Variants in IPO7 observed in about 807,000 individuals in gnomAD.
IPO7 encodes the protein importin 7.
IPO7 carries 13 observed loss-of-function variants against 136.4 expected under a neutral mutation model. The observed-to-expected ratio is 0.10, with a 90% confidence interval of 0.06 to 0.15. The LOEUF is 0.15. IPO7 is among the 10% of genes least tolerant of loss of function. IPO7 has a pLI of 1.00. For synonymous variants in IPO7, 403 were observed against 404.4 expected (o/e 1.00, Z 0.04); for missense variants, 857 against 1,240.6 (o/e 0.69, Z 4.65).
At position 9,423,820 on chromosome 11, in the gene IPO7, A is replaced by G. The variant is rs775164203; in HGVS notation, c.1085A>G (p.Asp362Gly). The G allele has an allele frequency of 5.0e-6, 8 of 1,610,584 alleles. No individual in the cohort carries two copies. Among genetic ancestry groups the G allele is most frequent in the Non-Finnish European group, 6.8e-6 (8 of 1,177,542 alleles). ...DVIFPLMCYTDADEELWQEDP... is the reference protein window; with the variant it reads ...DVIFPLMCYTGADEELWQEDP... ...ATTTTTCCATTGATGTGCTATACAGATGCTGATGAGGAACTTTGGCAAGAA... is the reference window on the plus strand; with the variant it reads ...ATTTTTCCATTGATGTGCTATACAGGTGCTGATGAGGAACTTTGGCAAGAA... The change falls in exon 10 of 25, where the codon GAT becomes GGT. Residue 362 changes from aspartate (D) to glycine (G), a missense_variant. Physicochemically the swap from Asp to Gly is moderately conservative, Grantham distance 94. Transcript: ENST00000379719.
intron 1 of IPO7, among the ~76,000 whole-genome samples, chr11:9,393,178 ATTC>A (rs1035292301): frequency 1.8e-4 from 28 of 152,172 alleles, no homozygotes; most frequent in African/African-American, 6.8e-4. Context: ...GAAAAGTGAT[ATTC>A]TTCTGCAGGC....
In IPO7 at chr11:9,437,896, T is replaced by G; in HGVS notation, c.2411T>G (p.Leu804Arg). 6.2e-7 allele frequency: 1 copy of G among 1,613,924 alleles called. No homozygotes were observed. Among genetic ancestry groups the G allele is most frequent in the Non-Finnish European group, 8.5e-7 (1 of 1,179,838 alleles). Residue 804 changes from leucine (L) to arginine (R), a missense_variant, in exon 21 of 25, where the codon CTT becomes CGT. Around this residue, in one of 11 missense-constraint regions of IPO7, gnomAD observed 190 missense variants for 249.0 expected, o/e 0.76. Transcript: ENST00000379719. Reference sequence around the variant, plus strand: ...CTACTACTCAATACCTTAGAAAATCTTCGCTTCCCTAATAATGTTGAACCA... The same window carrying G: ...CTACTACTCAATACCTTAGAAAATCGTCGCTTCCCTAATAATGTTGAACCA... ...PHLLLNTLEN[L>R]RFPNNVEPVT...
chr11:9,408,621 A>G lies in IPO7; in HGVS notation c.302A>G (p.His101Arg). 2 of 1,604,014 alleles carry G rather than the reference A, an allele frequency of 1.2e-6. No individual in the cohort carries two copies. The highest frequency in any genetic ancestry group is 1.7e-6 in the Non-Finnish European group (2 of 1,176,072). Residue 101 changes from histidine to arginine, a missense_variant, in exon 3 of 25, where the codon CAT becomes CGT. Around this residue, in one of 11 missense-constraint regions of IPO7, gnomAD observed 287 missense variants for 307.5 expected, o/e 0.93. Transcript: ENST00000379719. Reference sequence around the variant, plus strand: ...GAAAATATTGTAGAAGCCATTATCCATTCTCCTGAGCTCATCAGGTATGTA... The same window carrying G: ...GAAAATATTGTAGAAGCCATTATCCGTTCTCCTGAGCTCATCAGGTATGTA... ...IRENIVEAII[H>R]SPELIRVQLT...
rs1213477940 is a variant in IPO7 at position 9,430,862 on chromosome 11, C to G, written c.1753-13C>G. 6.2e-7 allele frequency: 1 copy of G among 1,609,420 alleles called. No homozygotes were observed. Among genetic ancestry groups the G allele is most frequent in the Non-Finnish European group, 8.5e-7 (1 of 1,177,986 alleles). The stretch of plus-strand genomic sequence containing the variant: ...TTCAGTGACAAACTTGAGTTATATT[C>G]TCTTGAATCTAGGCAATGACATTTA... On this transcript the variant is annotated splice_polypyrimidine_tract_variant and intron_variant, in intron 15 of 24. Transcript: ENST00000379719.
At chr11:9,434,241 T>C (rs991606808) in intron 18 of IPO7, among the ~76,000 whole-genome samples, 2 of 152,156 alleles carry the variant, frequency 1.3e-5, no homozygotes, top group Non-Finnish European at 2.9e-5. Flanking sequence ...CACTTTTGAA[T>C]GTTCAGACTG....
chr11:9,435,373 G>GTTA (rs1392907178), intron 19 of IPO7, among the ~76,000 whole-genome samples: 6 of 152,196 alleles, frequency 3.9e-5, no homozygotes, highest in African/African-American at 7.2e-5. Context: ...AAAGGAAAAG[G>GTTA]TTAGCAGCTA....
At chr11:9,387,359 A>G (rs915212142) in intron 1 of IPO7, among the ~76,000 whole-genome samples, 6 of 152,042 alleles carry the variant, frequency 3.9e-5, no homozygotes, top group Non-Finnish European at 7.4e-5. Flanking sequence ...TTTGCACTTA[A>G]CTCCTTGGAA....
At position 9,417,150 on chromosome 11, in the gene IPO7, TA is replaced by T; in HGVS notation, c.726+4del. ...GTTGTGAACAGGGATGTACCTAATG[TA>T]AGTTTCTGTATGTTCTCTTATATTA... On this transcript the variant is annotated splice_donor_region_variant and intron_variant, in intron 6 of 24. Coordinates refer to ENST00000379719, the MANE Select transcript of IPO7 (RefSeq NM_006391.3). The T allele has an allele frequency of 7.8e-7, 1 of 1,276,654 alleles. No homozygotes were observed. The highest frequency in any genetic ancestry group is 1.1e-6 in the Non-Finnish European group (1 of 887,232). 79.1% of individuals were successfully genotyped at this position (1,276,654 alleles called of 1,614,324 possible).
intron 5 of IPO7, 80 bp downstream of exon 5, chr11:9,414,491 C>T: frequency 1.1e-6 from 1 of 915,648 alleles, no homozygotes. Flanking sequence ...AGAATTTCAG[C>T]ATTTGAATAA....
intron 15 of IPO7, among the ~76,000 whole-genome samples, chr11:9,430,178 G>C (rs1417232654): frequency 6.6e-6 from 1 of 152,054 alleles, no homozygotes; most frequent in Non-Finnish European, 1.5e-5. Flanking sequence ...GCCATGGACC[G>C]GTACCAGTCC....
intron 19 of IPO7, among the ~76,000 whole-genome samples, chr11:9,435,560 C>G (rs1855357753): frequency 6.6e-6 from 1 of 152,170 alleles, no homozygotes; most frequent in Admixed American, 6.5e-5. Flanking sequence ...AGATTTCTTT[C>G]ACTCATCTCT....
At chr11:9,432,792 G>A (rs1000209787) in intron 16 of IPO7, among the ~76,000 whole-genome samples, 8 of 151,960 alleles carry the variant, frequency 5.3e-5, no homozygotes, top group Non-Finnish European at 8.8e-5. Context: ...CTTGAGTTGG[G>A]GGCTGAGTTC....
chr11:9,435,242 T>C (rs903867883), intron 19 of IPO7, among the ~76,000 whole-genome samples: 4 of 151,444 alleles, frequency 2.6e-5, no homozygotes, highest in African/African-American at 9.7e-5. Context: ...ACTTGGAATT[T>C]GTTTTTGAAT....
At chr11:9,437,670 G>A in intron 20 of IPO7, 84 bp from the exon 21 acceptor site, 2 of 976,736 alleles carry the variant, frequency 2.0e-6, no homozygotes, top group Non-Finnish European at 3.1e-6. Flanking sequence ...AGGGTTAATT[G>A]AGGCAACAAA....
At chr11:9,416,595 A>T (rs1245995926) in intron 5 of IPO7, among the ~76,000 whole-genome samples, 2 of 152,228 alleles carry the variant, frequency 1.3e-5, no homozygotes, top group East Asian at 3.8e-4. Context: ...CCTACTGAGA[A>T]ATAGGATTTA....
At chr11:9,402,399 C>CAAAAAAAAAAAAAAAAAAAA (rs71062846) in intron 1 of IPO7, among the ~76,000 whole-genome samples, 2 of 44,898 alleles carry the variant, frequency 4.5e-5, no homozygotes, top group African/African-American at 2.4e-4. Flanking sequence ...GACTGTGTCT[C>CAAAAAAAAAAAAAAAAAAAA]AAAAAAAAAA....
At chr11:9,391,117 G>T (rs1486780754) in intron 1 of IPO7, among the ~76,000 whole-genome samples, 1 of 152,128 alleles carries the variant, frequency 6.6e-6, no homozygotes, top group Non-Finnish European at 1.5e-5. Flanking sequence ...TTCCTAGTTG[G>T]AGGTCAGATG....
intron 1 of IPO7, among the ~76,000 whole-genome samples, chr11:9,390,457 A>G (rs181157377): frequency 3.3e-4 from 50 of 152,320 alleles, no homozygotes; most frequent in African/African-American, 1.2e-3. Context: ...AAAGTGTAAA[A>G]TAATGGCATA....
Position 9,438,070 on chromosome 11 carries a change from TTTTTTTTA to T in IPO7, c.2490-9_2490-2del. The T allele has an allele frequency of 7.7e-7, 1 of 1,300,390 alleles. No individual in the cohort carries two copies. The highest frequency in any genetic ancestry group is 1.0e-6 in the Non-Finnish European group (1 of 957,310). 80.6% of individuals were successfully genotyped at this position (1,300,390 alleles called of 1,614,324 possible). ...GTTTTTTTTTTTTTTTTTTTTTTTT[TTTTTTTTA>T]GGCTTCATGACAGAAAGATGTGTGT... is the stretch of plus-strand genomic sequence containing the variant. On this transcript the variant is annotated splice_acceptor_variant and splice_polypyrimidine_tract_variant and intron_variant, in intron 21 of 24. Coordinates refer to ENST00000379719, the MANE Select transcript of IPO7 (RefSeq NM_006391.3). LOFTEE classifies it high-confidence loss of function.
Sources: allele counts gnomAD v4.1 joint callset (sites outside exome capture counted in the v4.1 genomes callset), GRCh38; gene constraint gnomAD v4.1.1; regional missense constraint gnomAD v4.1.1; transcripts MANE v1.5; gene names NCBI Gene and HGNC (gene_info 2026-07-23, HGNC 2026-07-21).